Variants in PRELID2 observed in about 807,000 individuals in gnomAD.
PRELID2 encodes the protein PRELI domain containing 2.
A neutral mutation model predicts 28.4 loss-of-function variants in PRELID2; 25 were observed. That is an observed-to-expected ratio of 0.88 (90% CI 0.64 to 1.23). The LOEUF is 1.23. Ranked by LOEUF, PRELID2 falls within the 50% of genes most tolerant of loss-of-function variation. PRELID2 has a pLI of 0.00. For synonymous variants in PRELID2, 76 were observed against 71.6 expected (o/e 1.06, Z -0.31); for missense variants, 201 against 214.4 (o/e 0.94, Z 0.39).
intron 1 of PRELID2, among the ~76,000 whole-genome samples, chr5:145,666,546 T>A (rs991775583): frequency 6.6e-6 from 1 of 152,012 alleles, no homozygotes; most frequent in Non-Finnish European, 1.5e-5. Context: ...TATTTGCATC[T>A]TTTCCCCACC....
intron 1 of PRELID2, among the ~76,000 whole-genome samples, chr5:145,716,099 T>A (rs987709304): frequency 6.6e-6 from 1 of 152,166 alleles, no homozygotes; most frequent in Non-Finnish European, 1.5e-5. Context: ...TTAATGTACT[T>A]TATATGTAGC....
intron 1 of PRELID2, among the ~76,000 whole-genome samples, chr5:145,525,105 C>T (rs1472284722): frequency 6.6e-6 from 1 of 152,194 alleles, no homozygotes; most frequent in African/African-American, 2.4e-5. Context: ...TCTCATTCAA[C>T]CTTCACAGTC....
the PRELID2 span, among the ~76,000 whole-genome samples, chr5:145,313,515 C>T: frequency 6.6e-6 from 1 of 150,426 alleles, no homozygotes; most frequent in South Asian, 2.1e-4. Flanking sequence ...ACTTTTCCTG[C>T]ATCTGCTCTC....
chr5:145,483,593 T>C (rs1487681132), intron 1 of PRELID2, among the ~76,000 whole-genome samples: 1 of 152,230 alleles, frequency 6.6e-6, no homozygotes, highest in Non-Finnish European at 1.5e-5. Flanking sequence ...AACTGAGGCA[T>C]AAACTCCAAG....
At chr5:145,742,429 A>G (rs1756858519) in intron 1 of PRELID2, among the ~76,000 whole-genome samples, 2 of 147,836 alleles carry the variant, frequency 1.4e-5, no homozygotes, top group Admixed American at 6.8e-5. Context: ...GAATCAAACC[A>G]GAAATCGATA....
At chr5:145,298,528 C>T in the PRELID2 span, among the ~76,000 whole-genome samples, 4 of 152,112 alleles carry the variant, frequency 2.6e-5, no homozygotes, top group East Asian at 7.7e-4. Flanking sequence ...TTTTAAGAGG[C>T]AATTGGGCCT....
chr5:145,643,773 T>C (rs370314800), intron 1 of PRELID2, among the ~76,000 whole-genome samples: 2 of 152,184 alleles, frequency 1.3e-5, no homozygotes, highest in African/African-American at 4.8e-5. Flanking sequence ...GAGATAATCA[T>C]GTGGTTTTTG....
At chr5:145,729,681 T>C (rs1256678064) in intron 1 of PRELID2, among the ~76,000 whole-genome samples, 2 of 152,240 alleles carry the variant, frequency 1.3e-5, no homozygotes, top group Non-Finnish European at 2.9e-5. Context: ...ATGCGTCCTC[T>C]GCTTTTACAT....
At chr5:145,765,102 T>C in intron 5 of PRELID2, 102 bp from the exon 6 acceptor site, 1 of 761,618 alleles carries the variant, frequency 1.3e-6, no homozygotes, top group Non-Finnish European at 2.1e-6. Flanking sequence ...GTCATGGCCA[T>C]ATATTCATTT....
At chr5:145,253,024 A>T in the PRELID2 span, among the ~76,000 whole-genome samples, 12,583 of 152,200 alleles carry the variant, frequency 0.083, 1,125 homozygotes, top group African/African-American at 0.23. Context: ...ATTATTAGGA[A>T]GCAACAGAAA....
the PRELID2 span, among the ~76,000 whole-genome samples, chr5:145,276,591 C>A: frequency 6.6e-6 from 1 of 151,972 alleles, no homozygotes; most frequent in East Asian, 1.9e-4. Context: ...TATCAAAATC[C>A]CAACTTTATA....
At chr5:145,291,608 T>C in the PRELID2 span, among the ~76,000 whole-genome samples, 1 of 152,164 alleles carries the variant, frequency 6.6e-6, no homozygotes, top group Non-Finnish European at 1.5e-5. Context: ...ATGGCAGCCC[T>C]AGGAAATGAA....
At chr5:145,408,214 G>A in the PRELID2 span, among the ~76,000 whole-genome samples, 1 of 152,084 alleles carries the variant, frequency 6.6e-6, no homozygotes, top group South Asian at 2.1e-4. Flanking sequence ...AACCAGGAAA[G>A]TATTTCTGGT....
the PRELID2 span, among the ~76,000 whole-genome samples, chr5:145,408,023 G>A: frequency 6.6e-6 from 1 of 151,984 alleles, no homozygotes; most frequent in Non-Finnish European, 1.5e-5. Context: ...TAGCCCTACT[G>A]GGTGGCTAGA....
the PRELID2 span, among the ~76,000 whole-genome samples, chr5:145,325,815 A>T: frequency 6.6e-5 from 10 of 152,098 alleles, no homozygotes; most frequent in Non-Finnish European, 1.3e-4. Flanking sequence ...GGGGGGAAGT[A>T]TTAAAACTAA....
At chr5:145,579,291 T>C (rs1386659875) in intron 1 of PRELID2, among the ~76,000 whole-genome samples, 1 of 152,130 alleles carries the variant, frequency 6.6e-6, no homozygotes, top group East Asian at 1.9e-4. Flanking sequence ...CATTCATACA[T>C]ATAATTCTTG....
the PRELID2 span, among the ~76,000 whole-genome samples, chr5:145,345,430 C>T: frequency 7.9e-5 from 12 of 151,904 alleles, no homozygotes; most frequent in South Asian, 2.1e-3. Flanking sequence ...CCGTTGAAGC[C>T]CACAAACTCA....
the PRELID2 span, among the ~76,000 whole-genome samples, chr5:145,303,787 TC>T: frequency 1.2e-4 from 19 of 152,320 alleles, no homozygotes; most frequent in African/African-American, 4.3e-4. Context: ...TTACAAATCC[TC>T]CATTTCATGA....
intron 1 of PRELID2, among the ~76,000 whole-genome samples, chr5:145,679,556 G>A (rs979212665): frequency 6.6e-5 from 10 of 151,926 alleles, no homozygotes; most frequent in African/African-American, 2.4e-4. Flanking sequence ...TCCAAGGGGC[G>A]GAAATCTTAT....
Sources: allele counts gnomAD v4.1 joint callset (sites outside exome capture counted in the v4.1 genomes callset), GRCh38; gene constraint gnomAD v4.1.1; transcripts MANE v1.5; gene names NCBI Gene and HGNC (gene_info 2026-07-23, HGNC 2026-07-21).